The following MYOF variants were observed in gnomAD, a reference collection of about 807,000 sequenced individuals.
MYOF encodes the protein myoferlin, also known as fer-1-like 3, myoferlin.
A neutral mutation model predicts 284.2 loss-of-function variants in MYOF; 244 were observed. That is an observed-to-expected ratio of 0.86 (90% confidence interval 0.77 to 0.95). The LOEUF (loss-of-function observed/expected upper bound fraction) is 0.95, where lower values mean the gene tolerates loss of function less well. Ranked by LOEUF, MYOF falls within the 40% of genes least tolerant of loss-of-function variation. The pLI is 0.00. For missense variants in MYOF, 2,496 were observed against 2,560.6 expected (o/e 0.97, Z 0.54); for synonymous variants, 904 against 919.7 (o/e 0.98, Z 0.31).
At chr10:93,321,065 T>C (rs1305651992) in intron 48 of MYOF, among the ~76,000 whole-genome samples, 3 of 152,228 alleles carry the variant, frequency 2.0e-5, no homozygotes, top group South Asian at 2.1e-4. Flanking sequence ...TATCATCTTC[T>C]ATGAACCAGG....
chr10:93,396,003 G>A (rs1846987976), intron 16 of MYOF, 139 bp downstream of exon 16: 1 of 537,308 alleles, frequency 1.9e-6, no homozygotes, highest in Admixed American at 3.2e-5. Context: ...AAACATCATT[G>A]AAATGGTTCA....
chr10:93,373,519 C>T (rs1381621683), intron 23 of MYOF, among the ~76,000 whole-genome samples: 1 of 133,168 alleles, frequency 7.5e-6, no homozygotes, highest in East Asian at 7.6e-4. Flanking sequence ...TTTCAAAAAC[C>T]TCTTTTTTTA....
At chr10:93,472,253 AAAG>A (rs767638540) in intron 1 of MYOF, among the ~76,000 whole-genome samples, 2 of 152,226 alleles carry the variant, frequency 1.3e-5, no homozygotes, top group Non-Finnish European at 2.9e-5. Flanking sequence ...ATTATGAAAT[AAAG>A]AAGAAAAAAA....
intron 45 of MYOF, 108 bp from the exon 46 acceptor site, chr10:93,326,073 A>G: frequency 1.3e-5 from 18 of 1,388,372 alleles, no homozygotes; most frequent in Non-Finnish European, 1.8e-5. Flanking sequence ...CAAAATGGAC[A>G]GGCAGTGCCA....
chr10:93,406,476 A>G (rs1847593845), intron 7 of MYOF, among the ~76,000 whole-genome samples: 1 of 150,718 alleles, frequency 6.6e-6, no homozygotes, highest in Non-Finnish European at 1.5e-5. Flanking sequence ...GCTCCTGGGA[A>G]TGCAGCTGAG....
intron 40 of MYOF, among the ~76,000 whole-genome samples, chr10:93,337,364 T>C (rs532888155): frequency 6.6e-6 from 1 of 152,210 alleles, no homozygotes; most frequent in South Asian, 2.1e-4. Flanking sequence ...GCTGTATACA[T>C]GTTCTCACGG....
intron 3 of MYOF, among the ~76,000 whole-genome samples, chr10:93,437,894 A>G (rs1309949723): frequency 6.6e-6 from 1 of 152,098 alleles, no homozygotes; most frequent in Non-Finnish European, 1.5e-5. Context: ...TGTGAACTAG[A>G]CTGGTAGGAG....
intron 5 of MYOF, among the ~76,000 whole-genome samples, chr10:93,417,881 A>T (rs1039217780): frequency 2.6e-5 from 4 of 151,932 alleles, no homozygotes; most frequent in African/African-American, 7.3e-5. Flanking sequence ...CTCTCCTCTC[A>T]TCTCCTCCCA....
At chr10:93,311,662 TA>T (rs979551944) in intron 51 of MYOF, among the ~76,000 whole-genome samples, 1 of 151,644 alleles carries the variant, frequency 6.6e-6, no homozygotes, top group Non-Finnish European at 1.5e-5. Flanking sequence ...ACAGACTTTG[TA>T]ACAGACTTTC....
At chr10:93,465,533 C>CTTTTCTT (rs1554873000) in intron 1 of MYOF, among the ~76,000 whole-genome samples, 45 of 53,224 alleles carry the variant, frequency 8.5e-4, no homozygotes, top group African/African-American at 2.2e-3. Flanking sequence ...TCTTTTTTTT[C>CTTTTCTT]TTTTCTTTTT....
intron 1 of MYOF, among the ~76,000 whole-genome samples, chr10:93,475,708 G>T (rs954870290): frequency 1.3e-5 from 2 of 152,146 alleles, no homozygotes; most frequent in African/African-American, 4.8e-5. Flanking sequence ...CACCTTCTTG[G>T]CAGGGCCAAA....
At chr10:93,397,875 A>G (rs1490676126) in intron 13 of MYOF, among the ~76,000 whole-genome samples, 1 of 151,842 alleles carries the variant, frequency 6.6e-6, no homozygotes, top group East Asian at 1.9e-4. Context: ...CTCTTCATTC[A>G]GGTGGTCAGG....
At chr10:93,339,327 T>TA (rs1843767812) in intron 39 of MYOF, among the ~76,000 whole-genome samples, 1 of 151,604 alleles carries the variant, frequency 6.6e-6, no homozygotes, top group Non-Finnish European at 1.5e-5. Context: ...GGCTACTTTT[T>TA]ATTCATGTTA....
intron 3 of MYOF, among the ~76,000 whole-genome samples, chr10:93,445,227 T>A (rs1042216684): frequency 5.3e-5 from 8 of 152,140 alleles, no homozygotes; most frequent in Admixed American, 2.6e-4. Flanking sequence ...CAGGCCTGGA[T>A]ATAGATGAGC....
At chr10:93,459,078 G>A (rs17482091) in intron 1 of MYOF, among the ~76,000 whole-genome samples, 4,770 of 152,280 alleles carry the variant, frequency 0.031, 165 homozygotes, top group Admixed American at 0.11. Context: ...GCTCCTCGTC[G>A]GCTTGTGCCC....
intron 1 of MYOF, among the ~76,000 whole-genome samples, chr10:93,475,119 T>G (rs1049300462): frequency 3.3e-5 from 5 of 152,214 alleles, no homozygotes; most frequent in African/African-American, 1.2e-4. Flanking sequence ...TAGGCATCCC[T>G]GGCCCCAGAG....
chr10:93,365,232 C>G (rs1845275885), intron 26 of MYOF, among the ~76,000 whole-genome samples: 1 of 152,200 alleles, frequency 6.6e-6, no homozygotes, highest in African/African-American at 2.4e-5. Context: ...AGAGACCAAA[C>G]TCTAGTTGGA....
intron 7 of MYOF, among the ~76,000 whole-genome samples, chr10:93,407,506 G>GA (rs200657678): frequency 0.041 from 6,074 of 149,262 alleles, 186 homozygotes; most frequent in Middle Eastern, 0.066. Context: ...CGAGGTGGGT[G>GA]GATGACGAGG....
At chr10:93,364,231 C>T (rs1200951462) in intron 26 of MYOF, among the ~76,000 whole-genome samples, 156 bp from the exon 27 acceptor site, 11 of 152,242 alleles carry the variant, frequency 7.2e-5, no homozygotes, top group Admixed American at 7.2e-4. Context: ...CCTCTTTGTA[C>T]TAATCGCTTT....
Sources: gnomAD v4.1 joint callset for allele counts (sites outside exome capture counted in the v4.1 genomes callset) on GRCh38, gnomAD v4.1.1 for gene constraint, MANE v1.5 for transcripts, NCBI Gene and HGNC (gene_info 2026-07-23, HGNC 2026-07-21) for gene names.